The following ESR1 variants were observed in gnomAD, a reference collection of about 807,000 sequenced individuals.
ESR1 encodes the protein estrogen receptor 1, also known as estrogen receptor.
A neutral mutation model predicts 52.7 loss-of-function variants in ESR1; 12 were observed. That is an observed-to-expected ratio of 0.23 (90% CI 0.15 to 0.37). ESR1 has a LOEUF of 0.37. Ranked by LOEUF, ESR1 falls within the 10% of genes least tolerant of loss-of-function variation. ESR1 has a pLI of 1.00. For synonymous variants in ESR1, 305 were observed against 316.8 expected, an observed-to-expected ratio of 0.96 and a Z score of 0.39; for missense variants, 584 against 779.7, an observed-to-expected ratio of 0.75 and a Z score of 2.99.
chr6:151,864,854 T>C (rs1161462280), intron 2 of ESR1, among the ~76,000 whole-genome samples: 1 of 148,014 alleles, frequency 6.8e-6, no homozygotes, highest in Non-Finnish European at 1.5e-5. Context: ...AACCAAACAC[T>C]GCATGTTCTC....
intron 2 of ESR1, among the ~76,000 whole-genome samples, chr6:151,759,268 C>CAAAAA (rs984171376): frequency 1.5e-5 from 1 of 66,410 alleles, no homozygotes; most frequent in African/African-American, 4.5e-5. Context: ...GACTCTGTCT[C>CAAAAA]AAAAAAAAAA....
At chr6:151,892,142 T>C (rs541996278) in intron 3 of ESR1, among the ~76,000 whole-genome samples, 1 of 152,330 alleles carries the variant, frequency 6.6e-6, no homozygotes, top group Non-Finnish European at 1.5e-5. Flanking sequence ...CCTAGGAACC[T>C]TGGGCAGATC....
At chr6:152,075,340 C>T (rs1029795488) in intron 6 of ESR1, among the ~76,000 whole-genome samples, 4 of 152,180 alleles carry the variant, frequency 2.6e-5, no homozygotes, top group Non-Finnish European at 5.9e-5. Flanking sequence ...TCTTAAGGCC[C>T]TTTTAAGATT....
At chr6:152,077,281 G>T (rs1441156474) in intron 6 of ESR1, among the ~76,000 whole-genome samples, 1 of 152,228 alleles carries the variant, frequency 6.6e-6, no homozygotes, top group Non-Finnish European at 1.5e-5. Flanking sequence ...TGTGTACACA[G>T]AAGTTAAGAA....
intron 1 of ESR1, among the ~76,000 whole-genome samples, chr6:151,698,802 G>A (rs983561961): frequency 1.3e-5 from 2 of 152,298 alleles, no homozygotes; most frequent in Admixed American, 6.5e-5. Flanking sequence ...GGAAATGCCT[G>A]GGCTTTGAAT....
At chr6:151,884,893 A>G (rs1030317461) in intron 3 of ESR1, among the ~76,000 whole-genome samples, 3 of 152,146 alleles carry the variant, frequency 2.0e-5, no homozygotes. Context: ...TCGAAGTTCA[A>G]AATCAAGGTG....
chr6:151,847,942 T>C (rs1785438512), intron 2 of ESR1, among the ~76,000 whole-genome samples: 1 of 150,418 alleles, frequency 6.6e-6, no homozygotes, highest in Non-Finnish European at 1.5e-5. Context: ...GATCTAGAAC[T>C]AGAAATACCA....
At chr6:151,835,162 A>G (rs17081767) in intron 1 of ESR1, among the ~76,000 whole-genome samples, 7,229 of 152,206 alleles carry the variant, frequency 0.047, 582 homozygotes, top group African/African-American at 0.16. Context: ...GAATGCTTCT[A>G]CTAGATCATA....
At position 151,670,815 on chromosome 6, in the gene ESR1, C is replaced by T. The variant is rs1455378988; in HGVS notation, n.73+14052C>T. Among the ~76,000 whole-genome samples, 3 of 131,878 alleles carry T rather than the reference C, an allele frequency of 2.3e-5. No homozygotes were observed. In the East Asian group the frequency reaches 6.6e-4, roughly 29 times the overall value. 86.5% of individuals were successfully genotyped at this position (131,878 alleles called of 152,430 possible). A position where few individuals can be genotyped will look rare whatever the true frequency, so the allele number is the denominator to read the frequency against. On this transcript the variant is annotated intron_variant and non_coding_transcript_variant, in intron 1 of 2. Transcript: ENST00000473497. ...CGGAGTTTCACTCTTGTCGCCCAGG[C>T]TGGAGTGCAGTGGCGCAATCTCGGC...
At chr6:152,122,502 G>C in intron 6 of ESR1, 1 of 1,614,200 alleles carries the variant, frequency 6.2e-7, no homozygotes, top group South Asian at 1.1e-5. Flanking sequence ...AGTTGTTGGA[G>C]AGGGCACAGC....
At chr6:152,003,138 G>A (rs773654163) in intron 4 of ESR1, among the ~76,000 whole-genome samples, 2 of 151,812 alleles carry the variant, frequency 1.3e-5, no homozygotes, top group Non-Finnish European at 2.9e-5. Flanking sequence ...TAACAAGGTA[G>A]GATTGCCATC....
chr6:151,920,287 C>T (rs1366537038), intron 3 of ESR1, among the ~76,000 whole-genome samples: 3 of 147,420 alleles, frequency 2.0e-5, no homozygotes, highest in Non-Finnish European at 3.0e-5. Context: ...GAAAGTACTT[C>T]TTGCCCTTGA....
downstream of ESR1, among the ~76,000 whole-genome samples, chr6:152,104,970 G>A (rs1480372764): frequency 1.3e-5 from 2 of 152,102 alleles, no homozygotes; most frequent in Admixed American, 1.3e-4. Flanking sequence ...ATGTAATGAA[G>A]CTGCCATAAA....
chr6:151,901,060 A>T (rs905828388), intron 3 of ESR1, among the ~76,000 whole-genome samples: 11 of 152,164 alleles, frequency 7.2e-5, no homozygotes, highest in East Asian at 5.8e-4. Flanking sequence ...AATGACCATC[A>T]GGTGGGGCAA....
At chr6:151,673,808 G>A (rs1014688183) in intron 1 of ESR1, among the ~76,000 whole-genome samples, 1 of 152,034 alleles carries the variant, frequency 6.6e-6, no homozygotes, top group Non-Finnish European at 1.5e-5. Flanking sequence ...CTTGAGCCCA[G>A]GAAATTGAGG....
intron 5 of ESR1, among the ~76,000 whole-genome samples, chr6:152,020,987 T>C (rs2043595722): frequency 6.6e-6 from 1 of 152,208 alleles, no homozygotes; most frequent in Non-Finnish European, 1.5e-5. Context: ...TTAGAGATCT[T>C]CATTAAGTCA....
intron 2 of ESR1, among the ~76,000 whole-genome samples, chr6:151,858,598 T>A (rs200342087): frequency 5.4e-5 from 8 of 148,936 alleles, no homozygotes; most frequent in African/African-American, 1.8e-4. Context: ...TTTTTTTTTT[T>A]AAAGCATTTT....
intron 2 of ESR1, among the ~76,000 whole-genome samples, chr6:151,756,604 C>G (rs923844553): frequency 2.6e-5 from 4 of 152,200 alleles, no homozygotes; most frequent in Non-Finnish European, 5.9e-5. Context: ...GTCCAATGCT[C>G]TATTTCCAAT....
In ESR1 at chr6:152,048,667, A is replaced by G. The variant is rs190093094; in HGVS notation, c.1236-12324A>G. On this transcript the variant is annotated intron_variant, in intron 5 of 7. Coordinates refer to ENST00000206249, the MANE Select transcript of ESR1 (RefSeq NM_000125.4). ...CATAGGAGATTCCAACTCAATATTT[A>G]CTGCGTGAAGGAATGAATGAATCTT... Among the ~76,000 whole-genome samples the G allele has an allele frequency of 6.6e-5, 10 of 152,318 alleles. No homozygotes were observed. In the East Asian group the frequency reaches 1.9e-3, roughly 29 times the overall value.
Sources: allele counts gnomAD v4.1 joint callset (sites outside exome capture counted in the v4.1 genomes callset), GRCh38; gene constraint gnomAD v4.1.1; transcripts MANE v1.5; gene names NCBI Gene and HGNC (gene_info 2026-07-23, HGNC 2026-07-21).